GRAMD1B: variants seen among roughly 807,000 people sequenced by gnomAD.
GRAMD1B encodes GRAM domain containing 1B, also known as protein Aster-B.
Under a neutral mutation model 99.7 loss-of-function variants are expected in GRAMD1B, and 37 were observed. The ratio of observed to expected loss-of-function variants is 0.37; its 90% CI spans 0.29 to 0.49. The LOEUF is 0.49. Ranked by LOEUF, GRAMD1B falls within the 20% of genes least tolerant of loss-of-function variation. The probability of loss-of-function intolerance (pLI) is 0.98; values close to 1 mark genes in which losing one functional copy is unlikely to be tolerated. For synonymous variants in GRAMD1B, 427 were observed against 387.6 expected, an observed-to-expected ratio of 1.10 and a Z score of -1.19; for missense variants, 888 against 1,009.2, an observed-to-expected ratio of 0.88 and a Z score of 1.63.
At chr11:123,594,222 AG>A in intron 5 of GRAMD1B, 56 bp downstream of exon 5, 3 of 1,220,548 alleles carry the variant, frequency 2.5e-6, no homozygotes, top group Middle Eastern at 2.1e-4. Context: ...CCCCCGGCAT[AG>A]CACTCAGGGT....
intron 1 of GRAMD1B, among the ~76,000 whole-genome samples, chr11:123,463,253 TC>T (rs1430260967): frequency 6.6e-6 from 1 of 152,236 alleles, no homozygotes; most frequent in Non-Finnish European, 1.5e-5. Flanking sequence ...CCCCAAGTGA[TC>T]CACCCGCCTT....
chr11:123,407,859 T>G (rs1230415845), intron 1 of GRAMD1B, among the ~76,000 whole-genome samples: 1 of 152,110 alleles, frequency 6.6e-6, no homozygotes. Context: ...AAGCCTCAGC[T>G]CCCCAGGGGC....
intron 1 of GRAMD1B, among the ~76,000 whole-genome samples, chr11:123,402,460 G>C (rs1947701860): frequency 6.6e-6 from 1 of 152,214 alleles, no homozygotes; most frequent in Non-Finnish European, 1.5e-5. Context: ...GTGTGTGTCA[G>C]AGTCTATGCT....
intron 2 of GRAMD1B, among the ~76,000 whole-genome samples, chr11:123,524,416 C>T (rs974924280): frequency 1.3e-5 from 2 of 151,544 alleles, no homozygotes; most frequent in African/African-American, 4.8e-5. Context: ...TCTGGGCTCA[C>T]TGCAGCCTCT....
chr11:123,492,767 AAG>A lies in GRAMD1B; in HGVS notation c.452+11877_452+11878del, dbSNP rs975143414. 2.6e-5 allele frequency among the ~76,000 whole-genome samples: 4 copies of A among 151,898 alleles called. No individual in the cohort carries two copies. Among genetic ancestry groups the A allele is most frequent in the African/African-American group, 9.7e-5 (4 of 41,334 alleles). On this transcript the variant is annotated intron_variant, in intron 2 of 19. Coordinates refer to ENST00000635736, the MANE Select transcript of GRAMD1B (RefSeq NM_001387025.1). The surrounding 1 kb of genome is among the most constrained non-coding windows in gnomAD (Gnocchi z 4.2). Reference sequence around the variant, plus strand: ...AGAGAAAAGGAAGGAGAAAGGCAGAAAGAGGGGCCAAATGGATTTCAGAGGTA... The same window carrying A: ...AGAGAAAAGGAAGGAGAAAGGCAGAAAGGGGCCAAATGGATTTCAGAGGTA...
intron 2 of GRAMD1B, among the ~76,000 whole-genome samples, chr11:123,566,549 G>A (rs576480300): frequency 1.2e-3 from 183 of 152,274 alleles, no homozygotes; most frequent in African/African-American, 4.2e-3. Context: ...GGCAGATCAC[G>A]AGGTCAGGAG....
upstream of GRAMD1B, among the ~76,000 whole-genome samples, chr11:123,427,929 G>T (rs1948710299): frequency 6.6e-6 from 1 of 152,222 alleles, no homozygotes; most frequent in Non-Finnish European, 1.5e-5. Context: ...TGTGTGGGAA[G>T]AGGGTGCTGG....
chr11:123,404,124 C>G (rs972353507), intron 1 of GRAMD1B, among the ~76,000 whole-genome samples: 5 of 152,098 alleles, frequency 3.3e-5, no homozygotes, highest in African/African-American at 1.2e-4. Flanking sequence ...TTGCTGAATT[C>G]AGAAGTTTTA....
intron 1 of GRAMD1B, among the ~76,000 whole-genome samples, chr11:123,464,518 T>G (rs1314282961): frequency 6.6e-6 from 1 of 152,164 alleles, no homozygotes; most frequent in East Asian, 1.9e-4. Flanking sequence ...TTGTTAAACA[T>G]TTGTCAGCAC....
Position 123,468,871 on chromosome 11 carries a change from A to G in GRAMD1B, c.375-11945A>G, listed in dbSNP as rs150743678. ...GGGTGGTGGTCACCAAGGAAGATTT[A>G]CTACTTTTGAAGAATAATAGTAGCT... is the stretch of plus-strand genomic sequence containing the variant. On this transcript the variant is annotated intron_variant, in intron 1 of 19. Coordinates refer to ENST00000635736, the MANE Select transcript of GRAMD1B (RefSeq NM_001387025.1). Among the ~76,000 whole-genome samples, 298 of 151,382 alleles carry G rather than the reference A, an allele frequency of 2.0e-3. 8 individuals are homozygous for G. Among genetic ancestry groups the G allele is most frequent in the South Asian group, 7.7e-3 (37 of 4,784 alleles).
chr11:123,512,783 C>T (rs1941169439), intron 2 of GRAMD1B, among the ~76,000 whole-genome samples: 1 of 146,780 alleles, frequency 6.8e-6, no homozygotes, highest in South Asian at 2.1e-4. Context: ...CAGTCTGTGC[C>T]TGTGAACCAT....
Position 123,571,762 on chromosome 11 carries a change from A to G in GRAMD1B, c.453-5605A>G, listed in dbSNP as rs534376809. 2.2e-4 allele frequency among the ~76,000 whole-genome samples: 33 copies of G among 152,210 alleles called. 1 individual carries two copies. The highest frequency in any genetic ancestry group is 1.8e-3 in the Admixed American group (27 of 15,298). ...GACTCATGGTTTCTGTCAATGTTCCATATATCCCATGCTATTTTATGCCTT... is the reference window on the plus strand; with the variant it reads ...GACTCATGGTTTCTGTCAATGTTCCGTATATCCCATGCTATTTTATGCCTT... On this transcript the variant is annotated intron_variant, in intron 2 of 19. Coordinates refer to ENST00000635736, the MANE Select transcript of GRAMD1B (RefSeq NM_001387025.1).
intron 1 of GRAMD1B, among the ~76,000 whole-genome samples, chr11:123,391,315 T>C (rs1947270544): frequency 6.6e-6 from 1 of 152,232 alleles, no homozygotes; most frequent in Non-Finnish European, 1.5e-5. Flanking sequence ...CCATTAGTGT[T>C]GTGAGTCTAA....
chr11:123,592,553 C>T (rs1193377189), intron 4 of GRAMD1B, among the ~76,000 whole-genome samples: 2 of 152,186 alleles, frequency 1.3e-5, no homozygotes, highest in African/African-American at 2.4e-5. Context: ...ATAATGAGAA[C>T]TCACTGGCGA....
intron 1 of GRAMD1B, among the ~76,000 whole-genome samples, chr11:123,393,187 AT>A (rs1947340423): frequency 2.0e-5 from 3 of 152,228 alleles, no homozygotes; most frequent in Admixed American, 2.0e-4. Context: ...ACTCCTATAC[AT>A]TAAGTAATTT....
At chr11:123,522,441 C>T (rs1942279797) in intron 2 of GRAMD1B, among the ~76,000 whole-genome samples, 1 of 152,118 alleles carries the variant, frequency 6.6e-6, no homozygotes, top group African/African-American at 2.4e-5. Context: ...GCCTCAGTCT[C>T]CCAAGTCTTT....
chr11:123,398,425 C>T (rs1369889782), intron 1 of GRAMD1B, among the ~76,000 whole-genome samples: 1 of 152,176 alleles, frequency 6.6e-6, no homozygotes, highest in East Asian at 1.9e-4. Flanking sequence ...CTAAATACCT[C>T]CCAAAGAGCC....
At chr11:123,595,796 G>A (rs1423358373) in intron 6 of GRAMD1B, 146 bp from the exon 7 acceptor site, 2 of 560,570 alleles carry the variant, frequency 3.6e-6, no homozygotes, top group South Asian at 2.3e-5. Context: ...GGGTAAACCA[G>A]ATGATCACCA....
chr11:123,368,051 T>C (rs1021531788), intron 1 of GRAMD1B, among the ~76,000 whole-genome samples: 3 of 151,726 alleles, frequency 2.0e-5, no homozygotes, highest in East Asian at 2.0e-4. Flanking sequence ...GTCAGGAGTT[T>C]GAGACCAGCC....
Sources: gnomAD v4.1 joint callset for allele counts (sites outside exome capture counted in the v4.1 genomes callset) on GRCh38, gnomAD v4.1.1 for gene constraint, Gnocchi (gnomAD v3.1) non-coding constraint, MANE v1.5 for transcripts, NCBI Gene and HGNC (gene_info 2026-07-23, HGNC 2026-07-21) for gene names.